Variants in LGSN observed in about 807,000 individuals in gnomAD.
LGSN encodes lengsin.
Under a neutral mutation model 19.5 loss-of-function variants are expected in LGSN, and 21 were observed. The ratio of observed to expected loss-of-function variants is 1.07; its 90% CI spans 0.76 to 1.55. The LOEUF (loss-of-function observed/expected upper bound fraction) is 1.55, where lower values mean the gene tolerates loss of function less well. Among genes scored for constraint, LGSN ranks in the 40% most tolerant of loss-of-function variants. The pLI is 0.00. For missense variants in LGSN, 673 were observed against 608.5 expected (o/e 1.11, Z -1.12); for synonymous variants, 257 against 215.6 (o/e 1.19, Z -1.68).
the LGSN span, chr6:63,549,052 G>A: frequency 1.4e-6 from 1 of 722,778 alleles, no homozygotes; most frequent in South Asian, 1.4e-5. Flanking sequence ...ACCACCGGCT[G>A]AGCTTTCTTA....
At chr6:63,418,389 C>T in the LGSN span, among the ~76,000 whole-genome samples, 1 of 151,946 alleles carries the variant, frequency 6.6e-6, no homozygotes, top group African/African-American at 2.4e-5. Flanking sequence ...GGTGAAACCC[C>T]GTCTCTACTA....
chr6:63,561,839 G>A, the LGSN span, among the ~76,000 whole-genome samples: 1 of 152,142 alleles, frequency 6.6e-6, no homozygotes, highest in Non-Finnish European at 1.5e-5. Context: ...GAATCAGAAC[G>A]AAAGTGATTA....
At chr6:63,327,039 C>A in the LGSN span, among the ~76,000 whole-genome samples, 9 of 152,156 alleles carry the variant, frequency 5.9e-5, no homozygotes, top group African/African-American at 2.2e-4. Flanking sequence ...AAACAGGACA[C>A]CCTAACTGCT....
the LGSN span, among the ~76,000 whole-genome samples, chr6:63,537,839 G>A: frequency 0.012 from 1,888 of 152,286 alleles, 32 homozygotes; most frequent in African/African-American, 0.042. Context: ...CACCTCAACC[G>A]CCAAGAATCT....
the LGSN span, among the ~76,000 whole-genome samples, chr6:63,439,537 T>G: frequency 1.3e-5 from 2 of 151,842 alleles, no homozygotes; most frequent in African/African-American, 2.4e-5. Flanking sequence ...AAAATTTTTT[T>G]AAATTTCATG....
At chr6:63,385,464 C>A in the LGSN span, among the ~76,000 whole-genome samples, 3 of 152,120 alleles carry the variant, frequency 2.0e-5, no homozygotes, top group African/African-American at 7.2e-5. Context: ...TAAATTATAG[C>A]CAAAATCATC....
the LGSN span, among the ~76,000 whole-genome samples, chr6:63,553,407 G>C: frequency 2.0e-5 from 3 of 152,202 alleles, no homozygotes; most frequent in Non-Finnish European, 4.4e-5. Context: ...GTGTTCAGTA[G>C]TGAAAGCCAA....
the LGSN span, among the ~76,000 whole-genome samples, chr6:63,427,963 C>CA: frequency 1.3e-5 from 2 of 151,840 alleles, no homozygotes; most frequent in African/African-American, 2.4e-5. Context: ...TCCCAGTATT[C>CA]AAAAAAATAA....
chr6:63,282,881 A>T lies in LGSN; in HGVS notation c.331-1661T>A, dbSNP rs1029053548. Among the ~76,000 whole-genome samples, 3 of 152,192 alleles carry T rather than the reference A, an allele frequency of 2.0e-5. No homozygotes were observed. The East Asian group carries it at 5.8e-4, about 29-fold the overall frequency. On this transcript the variant is annotated intron_variant, in intron 3 of 3. Coordinates refer to ENST00000370657, the MANE Select transcript of LGSN (RefSeq NM_016571.3). ...TTTAATTCATATTTTCACTATAAGCAATAATGTCATTTCCCTGCTTGTCAG... is the reference window on the plus strand; with the variant it reads ...TTTAATTCATATTTTCACTATAAGCTATAATGTCATTTCCCTGCTTGTCAG...
chr6:63,560,354 A>AAAAAG, the LGSN span, among the ~76,000 whole-genome samples: 4 of 149,726 alleles, frequency 2.7e-5, no homozygotes, highest in African/African-American at 9.9e-5. Context: ...AAAAAAAAAA[A>AAAAAG]AAAGAAAGAA....
chr6:63,492,356 A>G, the LGSN span, among the ~76,000 whole-genome samples: 3 of 140,592 alleles, frequency 2.1e-5, no homozygotes, highest in Non-Finnish European at 3.3e-5. Context: ...TTAGTCTAGG[A>G]CAAATTAATT....
chr6:63,486,714 T>C, the LGSN span, among the ~76,000 whole-genome samples: 2 of 139,604 alleles, frequency 1.4e-5, no homozygotes, highest in African/African-American at 5.4e-5. Flanking sequence ...AGACGGAGTC[T>C]CACTCCATTG....
the LGSN span, among the ~76,000 whole-genome samples, chr6:63,433,539 A>G: frequency 6.6e-6 from 1 of 152,204 alleles, no homozygotes; most frequent in African/African-American, 2.4e-5. Flanking sequence ...AATATCTGTG[A>G]TTCACAGTGA....
chr6:63,277,890 G>A lies in LGSN; in HGVS notation c.*2131C>T, dbSNP rs770640671. 3 of 152,232 alleles carry A rather than the reference G, an allele frequency of 2.0e-5. No individual in the cohort carries two copies. Among genetic ancestry groups the A allele is most frequent in the Non-Finnish European group, 4.4e-5 (3 of 68,132 alleles). The allele number at this position is 152,232 out of a possible 1,614,324, so 9.4% of individuals were successfully genotyped here. On this transcript the variant is annotated 3_prime_UTR_variant, in exon 4 of 4. Transcript: ENST00000370657. ...ACCTGAGTTCAGGAGTTCAAGACCA[G>A]ACTGGCCAATATGGTGAAACCCCAT... is the stretch of plus-strand genomic sequence containing the variant.
At chr6:63,439,931 T>C in the LGSN span, among the ~76,000 whole-genome samples, 19 of 152,384 alleles carry the variant, frequency 1.2e-4, 1 homozygote, top group South Asian at 2.1e-4. Flanking sequence ...CTTCTAGCTT[T>C]GAAATCTCTG....
At chr6:63,527,877 T>A in the LGSN span, 1 of 152,220 alleles carries the variant, frequency 6.6e-6, no homozygotes, top group Non-Finnish European at 1.5e-5. Flanking sequence ...CCAGCAGCAG[T>A]GCCAGTTCAT....
chr6:63,565,919 T>C, the LGSN span, among the ~76,000 whole-genome samples: 154 of 152,378 alleles, frequency 1.0e-3, no homozygotes, highest in Non-Finnish European at 1.7e-3. Context: ...CTGCAAATTA[T>C]ATGTTCATAG....
the LGSN span, among the ~76,000 whole-genome samples, chr6:63,566,920 C>T: frequency 3.9e-5 from 6 of 152,334 alleles, no homozygotes; most frequent in South Asian, 2.1e-4. Context: ...ACAATGCTTA[C>T]GGCATCTTCA....
At chr6:63,417,083 C>T in the LGSN span, among the ~76,000 whole-genome samples, 15 of 152,218 alleles carry the variant, frequency 9.9e-5, no homozygotes, top group Non-Finnish European at 1.9e-4. Flanking sequence ...TGGCACCCTA[C>T]AAACCACAGT....
Sources: allele counts gnomAD v4.1 joint callset (sites outside exome capture counted in the v4.1 genomes callset), GRCh38; gene constraint gnomAD v4.1.1; transcripts MANE v1.5; gene names NCBI Gene and HGNC (gene_info 2026-07-23, HGNC 2026-07-21).